Variants in CSMD1 observed in about 807,000 individuals in gnomAD.
CSMD1 encodes the protein CUB and Sushi multiple domains 1.
In CSMD1, 213 loss-of-function variants were observed where a neutral mutation model predicts 417.5. The ratio of observed to expected loss-of-function variants is 0.51; its 90% CI spans 0.46 to 0.57. The LOEUF is 0.57. Among genes scored for constraint, CSMD1 ranks in the 20% least tolerant of loss-of-function variants. CSMD1 has a pLI of 0.00. For missense variants in CSMD1, 6,923 were observed against 4,529.7 expected (o/e 1.53, Z -15.17); for synonymous variants, 2,862 against 1,736.8 (o/e 1.65, Z -16.11).
chr8:3,051,719 T>C (rs1811828788), intron 50 of CSMD1, among the ~76,000 whole-genome samples: 1 of 152,198 alleles, frequency 6.6e-6, no homozygotes, highest in Non-Finnish European at 1.5e-5. Context: ...TGTTATATAG[T>C]TTTTAACTTA....
intron 1 of CSMD1, among the ~76,000 whole-genome samples, chr8:4,750,497 T>A (rs936109539): frequency 6.6e-6 from 1 of 152,212 alleles, no homozygotes; most frequent in African/African-American, 2.4e-5. Context: ...AATTTCATAG[T>A]CATTATTATA....
intron 2 of CSMD1, among the ~76,000 whole-genome samples, chr8:4,507,927 G>C (rs767800602): frequency 3.3e-5 from 5 of 152,098 alleles, no homozygotes; most frequent in Non-Finnish European, 7.4e-5. Flanking sequence ...TGAATAGGCA[G>C]TGAAAATAGT....
chr8:4,143,640 G>T (rs1006979942), intron 3 of CSMD1, among the ~76,000 whole-genome samples: 1 of 151,052 alleles, frequency 6.6e-6, no homozygotes, highest in African/African-American at 2.5e-5. Flanking sequence ...ATACCGGAAG[G>T]AGAGCATTGA....
rs1447760938 is a variant in CSMD1, at chr8:2,972,471, C to T, written c.8923+646G>A. On this transcript the variant is annotated intron_variant, in intron 57 of 69. Transcript: ENST00000635120. Reference sequence around the variant, plus strand: ...GAATTCTAAATCGGGTTTTGAACTCCGAATACATGGTTACCATCACCTCTC... The same window carrying T: ...GAATTCTAAATCGGGTTTTGAACTCTGAATACATGGTTACCATCACCTCTC... 3.3e-5 allele frequency among the ~76,000 whole-genome samples: 5 copies of T among 152,188 alleles called. No homozygotes were observed. In the South Asian group the frequency reaches 6.2e-4, roughly 19 times the overall value.
At chr8:3,866,314 C>T (rs1210482817) in intron 5 of CSMD1, among the ~76,000 whole-genome samples, 1 of 152,200 alleles carries the variant, frequency 6.6e-6, no homozygotes, top group Non-Finnish European at 1.5e-5. Flanking sequence ...CTGTAAAAGG[C>T]TGGCTGAACC....
chr8:4,099,472 T>C (rs926963078), intron 3 of CSMD1, among the ~76,000 whole-genome samples: 5 of 152,124 alleles, frequency 3.3e-5, no homozygotes, highest in South Asian at 2.1e-4. Flanking sequence ...AACAATCATC[T>C]TCCACAGTGC....
chr8:3,735,413 A>C (rs1055466625), intron 6 of CSMD1, among the ~76,000 whole-genome samples: 1 of 152,244 alleles, frequency 6.6e-6, no homozygotes, highest in African/African-American at 2.4e-5. Flanking sequence ...CAAAATCCTT[A>C]GATGATTCCA....
intron 3 of CSMD1, among the ~76,000 whole-genome samples, chr8:4,085,133 T>A (rs1405987756): frequency 1.3e-5 from 2 of 152,170 alleles, no homozygotes; most frequent in African/African-American, 2.4e-5. Context: ...GAGGCTGAGA[T>A]GTCACCGGCC....
intron 2 of CSMD1, among the ~76,000 whole-genome samples, chr8:4,611,748 G>C (rs1801186706): frequency 6.6e-6 from 1 of 152,118 alleles, no homozygotes; most frequent in Non-Finnish European, 1.5e-5. Flanking sequence ...TCATTTGTGA[G>C]TCATCTATTC....
Position 3,219,266 on chromosome 8 carries a change from A to G in CSMD1, c.4661T>C (p.Ile1554Thr), listed in dbSNP as rs1798065102. 6.3e-7 allele frequency: 1 copy of G among 1,591,870 alleles called. No homozygotes were observed. Among genetic ancestry groups the G allele is most frequent in the South Asian group, 1.1e-5 (1 of 87,730 alleles). Residue 1554 changes from isoleucine to threonine, a missense_variant, in exon 29 of 70, where the codon ATT (isoleucine) becomes ACT (threonine). Ile to Thr is a moderately conservative substitution (Grantham distance 89). Coordinates refer to ENST00000635120, the MANE Select transcript of CSMD1 (RefSeq NM_033225.6). ...DASVGLSGFA[I>T]EFKEKPREAC... ...GGCAATCGCAATACCTTTAAATTCA[A>G]TGGCGAACCCTGAAAGGCCCACGGA...
chr8:3,145,483 G>GA (rs1195128224), intron 40 of CSMD1, among the ~76,000 whole-genome samples: 3 of 152,172 alleles, frequency 2.0e-5, no homozygotes, highest in Non-Finnish European at 4.4e-5. Context: ...AGGATCTAGT[G>GA]AAAGTGGTTT....
At chr8:3,729,097 G>C (rs558780747) in intron 6 of CSMD1, among the ~76,000 whole-genome samples, 2 of 152,340 alleles carry the variant, frequency 1.3e-5, no homozygotes, top group East Asian at 3.9e-4. Flanking sequence ...AGCCAGGGAA[G>C]TAAAGGTTTC....
intron 5 of CSMD1, among the ~76,000 whole-genome samples, chr8:3,950,740 A>C (rs1424249970): frequency 7.9e-6 from 1 of 126,088 alleles, no homozygotes; most frequent in African/African-American, 3.1e-5. Context: ...TGGGGTTTTC[A>C]ATCTTTTTTA....
intron 60 of CSMD1, 118 bp from the exon 61 acceptor site, chr8:2,962,757 G>C: frequency 9.1e-7 from 1 of 1,095,058 alleles, no homozygotes; most frequent in Admixed American, 2.7e-5. Context: ...CAAGAAAAAC[G>C]CTAAAAGGAG....
chr8:4,621,680 T>A (rs1801787851), intron 2 of CSMD1, among the ~76,000 whole-genome samples: 1 of 152,074 alleles, frequency 6.6e-6, no homozygotes, highest in African/African-American at 2.4e-5. Context: ...ATTTTTTTAA[T>A]AATTTACCGT....
At chr8:4,965,772 GC>G (rs1210998257) in intron 1 of CSMD1, among the ~76,000 whole-genome samples, 1 of 152,068 alleles carries the variant, frequency 6.6e-6, no homozygotes, top group Non-Finnish European at 1.5e-5. Context: ...AGGAAAAACT[GC>G]CCAGAATTCA....
At chr8:4,155,661 G>T (rs945593541) in intron 3 of CSMD1, among the ~76,000 whole-genome samples, 1 of 152,090 alleles carries the variant, frequency 6.6e-6, no homozygotes, top group Non-Finnish European at 1.5e-5. Context: ...CACATTCAAA[G>T]AAACGTGACA....
intron 27 of CSMD1, among the ~76,000 whole-genome samples, chr8:3,227,230 C>G (rs1023359176): frequency 1.3e-5 from 2 of 152,030 alleles, no homozygotes; most frequent in Non-Finnish European, 2.9e-5. Flanking sequence ...GAAAACCCAT[C>G]TCTACTAAAA....
rs190503553 is a variant in CSMD1, at chr8:4,141,273, C to T, written c.416-109174G>A. On this transcript the variant is annotated intron_variant, in intron 3 of 69. Coordinates refer to ENST00000635120, the MANE Select transcript of CSMD1 (RefSeq NM_033225.6). ...AGCTTGATGCTGAAATTCCAGCGACCTTCAGGTAGTGAAAAATCCGTAATT... is the reference window on the plus strand; with the variant it reads ...AGCTTGATGCTGAAATTCCAGCGACTTTCAGGTAGTGAAAAATCCGTAATT... Among the ~76,000 whole-genome samples, 51 of 151,168 alleles carry T rather than the reference C, an allele frequency of 3.4e-4. 4 individuals carry two copies. The highest frequency in any genetic ancestry group is 1.2e-3 in the African/African-American group (49 of 40,494).
Sources: gnomAD v4.1 joint callset for allele counts (sites outside exome capture counted in the v4.1 genomes callset) on GRCh38, gnomAD v4.1.1 for gene constraint, MANE v1.5 for transcripts, NCBI Gene and HGNC (gene_info 2026-07-23, HGNC 2026-07-21) for gene names.